Variants in MGAM observed in about 807,000 individuals in gnomAD.
MGAM encodes maltase-glucoamylase, also known as alpha-1,4-glucosidase.
Under a neutral mutation model 358.8 loss-of-function variants are expected in MGAM, and 253 were observed. The ratio of observed to expected loss-of-function variants is 0.71; its 90% CI spans 0.64 to 0.78. The LOEUF (loss-of-function observed/expected upper bound fraction) is 0.78, where lower values mean the gene tolerates loss of function less well. Among genes scored for constraint, MGAM ranks in the 30% least tolerant of loss-of-function variants. The probability of loss-of-function intolerance (pLI) is 0.00; values close to 1 mark genes in which losing one functional copy is unlikely to be tolerated. For synonymous variants in MGAM, 1,105 were observed against 1,227.1 expected, an observed-to-expected ratio of 0.90 and a Z score of 2.08; for missense variants, 3,080 against 3,432.6, an observed-to-expected ratio of 0.90 and a Z score of 2.57.
intron 21 of MGAM, among the ~76,000 whole-genome samples, chr7:142,046,628 T>G (rs776309973): frequency 6.6e-6 from 1 of 152,120 alleles, no homozygotes; most frequent in African/African-American, 2.4e-5. Flanking sequence ...TGGTTTTAGC[T>G]CAGTGTTTTG....
At chr7:142,018,534 G>A (rs1554457026) in intron 3 of MGAM, among the ~76,000 whole-genome samples, 1 of 152,096 alleles carries the variant, frequency 6.6e-6, no homozygotes, top group African/African-American at 2.4e-5. Flanking sequence ...GTCCTTTTTT[G>A]TATTTAACTT....
At position 141,996,772 on chromosome 7, in the gene MGAM, T is replaced by G. The variant is rs201480973; in HGVS notation, c.-3+842T>G. 3.3e-5 allele frequency among the ~76,000 whole-genome samples: 5 copies of G among 152,238 alleles called. No homozygotes were observed. In the East Asian group the frequency reaches 9.7e-4, roughly 29 times the overall value. ...TACAGAATAATTTTAGGGGATAGTC[T>G]GAGGATGTGTGTAAAATATTGGGAT... On this transcript the variant is annotated intron_variant, in intron 1 of 70. Transcript: ENST00000475668.
intron 55 of MGAM, 103 bp from the exon 56 acceptor site, chr7:142,086,115 A>G (rs1814728914): frequency 3.5e-6 from 5 of 1,426,792 alleles, no homozygotes; most frequent in South Asian, 2.6e-5. Flanking sequence ...TCTACAGTTC[A>G]GGTAGAAGCC....
Position 142,036,208 on chromosome 7 carries a change from G to C in MGAM, c.1999G>C (p.Glu667Gln). ...ATGTGGCTTTGCTTTGGACACCCCT[G>C]AGGAGCTCTGTAGGCGGTGGATGCA... ...DICGFALDTPEELCRRWMQLG... is the reference protein window; with the variant it reads ...DICGFALDTPQELCRRWMQLG... Residue 667 changes from glutamate to glutamine, a missense_variant, in exon 17 of 71, where the codon GAG becomes CAG. Glu to Gln is a conservative substitution (Grantham distance 29). Transcript: ENST00000475668. The C allele has an allele frequency of 6.2e-7, 1 of 1,612,446 alleles. No individual in the cohort carries two copies. The highest frequency in any genetic ancestry group is 8.5e-7 in the Non-Finnish European group (1 of 1,179,296).
rs782023967 is a variant in MGAM, at chr7:142,027,729, C to T, written c.1215C>T (p.Leu405=). 1.2e-6 allele frequency: 2 copies of T among 1,603,404 alleles called. No homozygotes were observed. The highest frequency in any genetic ancestry group is 1.1e-5 in the South Asian group (1 of 88,636). ...EVVERNRAAQ[L]PYDVQHADID... ...TGGAGAGAAATCGCGCAGCACAGCT[C>T]CCTTATGTAAGCAAGGTTTTCAACA... Residue 405 remains leucine, a synonymous_variant, in exon 10 of 71, where the codon CTC becomes CTT. Transcript: ENST00000475668.
chr7:142,003,842 G>GA (rs1179748523), intron 1 of MGAM, among the ~76,000 whole-genome samples: 23 of 149,696 alleles, frequency 1.5e-4, no homozygotes, highest in Non-Finnish European at 2.4e-4. Context: ...AACTCAACAG[G>GA]AAAAAAAACA....
Position 142,099,657 on chromosome 7 carries a change from C to T in MGAM, c.7794C>T (p.Ala2598=), listed in dbSNP as rs576657725. The change falls in exon 67 of 71, where the codon GCC becomes GCT. Residue 2598 remains alanine, a synonymous_variant. Coordinates refer to ENST00000475668, the MANE Select transcript of MGAM (RefSeq NM_001365693.1). ...NARGEWKTLP[A]PLDHINLHVR... ...GAGGAGAGTGGAAGACCTTGCCAGCCCCTCTTGACCACATTAATCTTCATG... is the reference window on the plus strand; with the variant it reads ...GAGGAGAGTGGAAGACCTTGCCAGCTCCTCTTGACCACATTAATCTTCATG... 9.9e-6 allele frequency: 16 copies of T among 1,613,934 alleles called. No homozygotes were observed. The Admixed American group carries it at 2.3e-4, about 24-fold the overall frequency.
At chr7:142,046,197 T>G (rs2129026388) in intron 21 of MGAM, among the ~76,000 whole-genome samples, 1 of 148,914 alleles carries the variant, frequency 6.7e-6, no homozygotes, top group East Asian at 1.9e-4. Context: ...CCTTAGATGA[T>G]TTTGTCTTTC....
At chr7:142,094,902 A>C in intron 63 of MGAM, 39 bp downstream of exon 63, 3 of 1,594,546 alleles carry the variant, frequency 1.9e-6, no homozygotes, top group Non-Finnish European at 2.6e-6. Context: ...TTCACTTGAA[A>C]CACAGCCTCC....
intron 25 of MGAM, 85 bp from the exon 26 acceptor site, chr7:142,052,699 A>G (rs1811115080): frequency 6.6e-7 from 1 of 1,514,038 alleles, no homozygotes; most frequent in East Asian, 2.3e-5. Context: ...ATCGTCATAT[A>G]AAATGACTTT....
Position 142,052,890 on chromosome 7 carries a change from A to C in MGAM, c.3065A>C (p.Lys1022Thr), listed in dbSNP as rs759597075. 6.2e-6 allele frequency: 10 copies of C among 1,613,758 alleles called. No individual in the cohort carries two copies. In the East Asian group the frequency reaches 2.0e-4, roughly 32 times the overall value. ...SHGATADISL[K>T]SSVYANAFPS... ...GGGGCCACAGCTGACATCTCCTTAA[A>C]GTCTTCCGTTTATGCCAATGCCTTC... The change falls in exon 26 of 71, where the codon AAG becomes ACG. Residue 1022 changes from lysine to threonine, a missense_variant. Transcript: ENST00000475668.
intron 1 of MGAM, among the ~76,000 whole-genome samples, chr7:141,998,405 T>A (rs946491687): frequency 6.6e-6 from 1 of 152,120 alleles, no homozygotes; most frequent in Admixed American, 6.6e-5. Context: ...CTCCCTCCCC[T>A]AGCCCGCCAT....
intron 40 of MGAM, 74 bp downstream of exon 40, chr7:142,065,905 T>C (rs4276595): frequency 0.042 from 49,670 of 1,180,072 alleles, 5,618 homozygotes; most frequent in African/African-American, 0.2. Context: ...CTAAAAGTAA[T>C]GCAGTCTCTA....
rs566392636 is a variant in MGAM, at chr7:142,094,345, C to G, written c.7173-19C>G. ...TCCTGGCGGTGCCCTCAGTTCACCT[C>G]CTTTTCCCCTCCAACCAGAGCCGTG... On this transcript the variant is annotated intron_variant, in intron 60 of 70. Coordinates refer to ENST00000475668, the MANE Select transcript of MGAM (RefSeq NM_001365693.1). 2 of 1,505,968 alleles carry G rather than the reference C, an allele frequency of 1.3e-6. No homozygotes were observed. The highest frequency in any genetic ancestry group is 1.4e-5 in the African/African-American group (1 of 73,088). 93.3% of individuals were successfully genotyped at this position (1,505,968 alleles called of 1,614,324 possible). A position where few individuals can be genotyped will look rare whatever the true frequency, so the allele number is the denominator to read the frequency against.
chr7:142,084,864 G>A (rs1228029877), intron 54 of MGAM, among the ~76,000 whole-genome samples: 4 of 146,568 alleles, frequency 2.7e-5, no homozygotes, highest in African/African-American at 9.7e-5. Flanking sequence ...CCCAGAGGGG[G>A]AGATAAGCTG....
At chr7:142,037,006 A>G in intron 18 of MGAM, 29 bp downstream of exon 18, 1 of 1,595,524 alleles carries the variant, frequency 6.3e-7, no homozygotes, top group Non-Finnish European at 8.6e-7. Flanking sequence ...CTTAAATTTT[A>G]TTAATGCATC....
At chr7:142,019,418 A>G (rs1385411907) in intron 4 of MGAM, 99 bp downstream of exon 4, 3 of 1,286,202 alleles carry the variant, frequency 2.3e-6, no homozygotes, top group East Asian at 2.5e-5. Context: ...CTGTGGGGCC[A>G]TATAACCACA....
upstream of MGAM, among the ~76,000 whole-genome samples, chr7:141,992,911 T>A (rs1392260326): frequency 6.6e-6 from 1 of 152,218 alleles, no homozygotes; most frequent in Non-Finnish European, 1.5e-5. Context: ...CCAGCCTCCA[T>A]GCATGCCAGT....
chr7:142,050,687 T>A lies in MGAM; in HGVS notation c.2638-10T>A. 6.2e-7 allele frequency: 1 copy of A among 1,611,720 alleles called. No homozygotes were observed. The highest frequency in any genetic ancestry group is 8.5e-7 in the Non-Finnish European group (1 of 1,178,308). On this transcript the variant is annotated splice_polypyrimidine_tract_variant and intron_variant, in intron 23 of 70. Transcript: ENST00000475668. ...ACCTTTATGCATACTTGGACTTAAT[T>A]GTTTTGCAGAACCGCTTGGAGGTGA...
Sources: gnomAD v4.1 joint callset for allele counts (sites outside exome capture counted in the v4.1 genomes callset) on GRCh38, gnomAD v4.1.1 for gene constraint, MANE v1.5 for transcripts, NCBI Gene and HGNC (gene_info 2026-07-23, HGNC 2026-07-21) for gene names.